The following YIPF7 variants were observed in gnomAD, a reference collection of about 807,000 sequenced individuals.
YIPF7 encodes protein YIPF7.
YIPF7 carries 35 observed loss-of-function variants against 27.2 expected under a neutral mutation model. That is an observed-to-expected ratio of 1.29 (90% CI 0.98 to 1.70). The LOEUF (loss-of-function observed/expected upper bound fraction) is 1.70, where lower values mean the gene tolerates loss of function less well. Among genes scored for constraint, YIPF7 ranks in the 40% most tolerant of loss-of-function variants. YIPF7 has a pLI of 0.00. For synonymous variants in YIPF7, 137 were observed against 110.4 expected, an observed-to-expected ratio of 1.24 and a Z score of -1.51; for missense variants, 358 against 303.7, an observed-to-expected ratio of 1.18 and a Z score of -1.33.
intron 3 of YIPF7, among the ~76,000 whole-genome samples, chr4:44,633,006 C>T (rs763326671): frequency 2.0e-5 from 3 of 152,196 alleles, no homozygotes; most frequent in Non-Finnish European, 4.4e-5. Flanking sequence ...CACCTTAGCT[C>T]CGCCTCCTGC....
intron 2 of YIPF7, among the ~76,000 whole-genome samples, chr4:44,642,140 C>T (rs1204261693): frequency 6.6e-6 from 1 of 152,104 alleles, no homozygotes; most frequent in African/African-American, 2.4e-5. Context: ...GTAAACATAA[C>T]CTTCACTGTT....
chr4:44,660,938 GACAA>G (rs1327191273), intron 1 of YIPF7, among the ~76,000 whole-genome samples: 1 of 152,180 alleles, frequency 6.6e-6, no homozygotes, highest in Non-Finnish European at 1.5e-5. Flanking sequence ...GTGAAAAATA[GACAA>G]GGGAACTTTC....
intron 2 of YIPF7, among the ~76,000 whole-genome samples, 188 bp from the exon 3 acceptor site, chr4:44,636,273 A>G (rs1019042495): frequency 6.6e-6 from 1 of 152,202 alleles, no homozygotes; most frequent in Non-Finnish European, 1.5e-5. Flanking sequence ...AAAGCCTTCT[A>G]GAAAAATAAT....
At chr4:44,630,486 G>T (rs1014156651) in intron 3 of YIPF7, among the ~76,000 whole-genome samples, 1 of 152,202 alleles carries the variant, frequency 6.6e-6, no homozygotes, top group South Asian at 2.1e-4. Flanking sequence ...TGATCATGAT[G>T]TGCATGCATA....
intron 2 of YIPF7, among the ~76,000 whole-genome samples, chr4:44,657,566 A>T (rs866380257): frequency 1.3e-5 from 2 of 152,148 alleles, no homozygotes. Context: ...CTTGGAGTCA[A>T]CCTCCTGCCA....
intron 3 of YIPF7, among the ~76,000 whole-genome samples, chr4:44,634,043 T>C (rs550176205): frequency 1.3e-5 from 2 of 152,278 alleles, no homozygotes; most frequent in South Asian, 2.1e-4. Context: ...CCCACTGTTA[T>C]GGGTACATCC....
At chr4:44,640,492 G>T (rs770899581) in intron 2 of YIPF7, among the ~76,000 whole-genome samples, 19 of 152,296 alleles carry the variant, frequency 1.2e-4, no homozygotes, top group Non-Finnish European at 2.1e-4. Context: ...GGCCTCTGGT[G>T]GAATTCTTGG....
In YIPF7 at chr4:44,635,961, A is replaced by G. The variant is rs1713103479; in HGVS notation, c.241T>C (p.Tyr81His). 6.2e-7 allele frequency: 1 copy of G among 1,613,816 alleles called. No individual in the cohort carries two copies. The highest frequency in any genetic ancestry group is 1.3e-5 in the African/African-American group (1 of 74,946). The change falls in exon 3 of 6, where the codon TAC becomes CAC. Residue 81 changes from tyrosine (Y) to histidine (H), a missense_variant. By Grantham distance (83) the Tyr-to-His change is moderately conservative. Coordinates refer to ENST00000415895, the MANE Select transcript of YIPF7 (RefSeq NM_182592.3). ...GGCTCTTCATCAAAACTGTCAATGT[A>G]AGGAGATTGTGAATAATAATCTGAG... ...SNSDYYSQSP[Y>H]IDSFDEEPPL...
At chr4:44,643,117 T>C (rs1263919981) in intron 2 of YIPF7, among the ~76,000 whole-genome samples, 1 of 152,152 alleles carries the variant, frequency 6.6e-6, no homozygotes, top group African/African-American at 2.4e-5. Context: ...CTTGTTAAAT[T>C]GTTATGACCA....
intron 3 of YIPF7, 36 bp from the exon 4 acceptor site, chr4:44,629,584 A>G: frequency 7.1e-7 from 1 of 1,411,830 alleles, no homozygotes; most frequent in South Asian, 1.5e-5. Context: ...ATATGATAAC[A>G]TAAATATAGA....
chr4:44,625,080 G>GT (rs1348523634), intron 4 of YIPF7, among the ~76,000 whole-genome samples: 1 of 152,160 alleles, frequency 6.6e-6, no homozygotes, highest in Non-Finnish European at 1.5e-5. Flanking sequence ...CAAGGCATAA[G>GT]TAAGACTATA....
intron 5 of YIPF7, 47 bp downstream of exon 5, chr4:44,624,554 G>T: frequency 1.3e-6 from 2 of 1,489,102 alleles, no homozygotes; most frequent in South Asian, 2.7e-5. Context: ...GGCAAACCTT[G>T]GCTATGATTG....
intron 1 of YIPF7, among the ~76,000 whole-genome samples, chr4:44,650,554 G>A (rs1713701172): frequency 6.6e-6 from 1 of 150,936 alleles, no homozygotes; most frequent in Non-Finnish European, 1.5e-5. Flanking sequence ...ATTATTATCT[G>A]CAAATGGCTG....
At chr4:44,627,318 T>C (rs145957817) in intron 4 of YIPF7, among the ~76,000 whole-genome samples, 1 of 152,208 alleles carries the variant, frequency 6.6e-6, no homozygotes, top group Admixed American at 6.5e-5. Context: ...TCCTTTCGCC[T>C]GAAGAAAGCC....
At chr4:44,627,453 T>C (rs965197921) in intron 4 of YIPF7, among the ~76,000 whole-genome samples, 1 of 152,190 alleles carries the variant, frequency 6.6e-6, no homozygotes, top group African/African-American at 2.4e-5. Flanking sequence ...AGTTTTGCTT[T>C]CTCTAGTAAA....
intron 2 of YIPF7, among the ~76,000 whole-genome samples, chr4:44,639,807 A>T: frequency 6.6e-6 from 1 of 152,168 alleles, no homozygotes; most frequent in East Asian, 1.9e-4. Context: ...TTTCACATTC[A>T]GCATGATGTT....
Position 44,622,595 on chromosome 4 carries a change from A to C in YIPF7, c.609-19T>G. Reference sequence around the variant, plus strand: ...GATGCCCCTGCAGCAAAGACAAAGAAATGATTGCCTGTGCCAGTAGAAAAG... The same window carrying C: ...GATGCCCCTGCAGCAAAGACAAAGACATGATTGCCTGTGCCAGTAGAAAAG... On this transcript the variant is annotated intron_variant, in intron 5 of 5. Coordinates refer to ENST00000415895, the MANE Select transcript of YIPF7 (RefSeq NM_182592.3). The C allele has an allele frequency of 1.2e-6, 2 of 1,611,300 alleles. No individual in the cohort carries two copies. The highest frequency in any genetic ancestry group is 1.7e-6 in the Non-Finnish European group (2 of 1,178,968).
At chr4:44,644,775 G>A (rs1435003553) in intron 2 of YIPF7, among the ~76,000 whole-genome samples, 3 of 152,156 alleles carry the variant, frequency 2.0e-5, no homozygotes, top group African/African-American at 7.2e-5. Context: ...GTCTGGATCT[G>A]TGTCCCCACC....
At chr4:44,650,756 T>A (rs1383038586) in intron 1 of YIPF7, among the ~76,000 whole-genome samples, 1 of 152,182 alleles carries the variant, frequency 6.6e-6, no homozygotes, top group Non-Finnish European at 1.5e-5. Flanking sequence ...GTTCTATACA[T>A]TCTCTCTATA....
Sources: allele counts gnomAD v4.1 joint callset (sites outside exome capture counted in the v4.1 genomes callset), GRCh38; gene constraint gnomAD v4.1.1; transcripts MANE v1.5; gene names NCBI Gene and HGNC (gene_info 2026-07-23, HGNC 2026-07-21).